ZNF141: variants seen among roughly 807,000 people sequenced by gnomAD.
ZNF141 encodes the protein zinc finger protein 141 (clone pHZ-44).
Under a neutral mutation model 11.3 loss-of-function variants are expected in ZNF141, and 7 were observed. The observed-to-expected ratio is 0.62, with a 90% CI of 0.35 to 1.16. The LOEUF (loss-of-function observed/expected upper bound fraction) is 1.16. ZNF141 is among the 50% of genes most tolerant of loss of function. The pLI is 0.02. For synonymous variants in ZNF141, 183 were observed against 190.7 expected, an observed-to-expected ratio of 0.96 and a Z score of 0.33; for missense variants, 535 against 554.0, an observed-to-expected ratio of 0.97 and a Z score of 0.34.
chr4:366,004 G>T (rs1431272971), intron 3 of ZNF141, among the ~76,000 whole-genome samples: 1 of 152,104 alleles, frequency 6.6e-6, no homozygotes, highest in Non-Finnish European at 1.5e-5. Flanking sequence ...CTGTTTTTAT[G>T]CCAGTATCAT....
chr4:379,952 C>T lies in ZNF141; in HGVS notation c.*6090C>T, dbSNP rs142057673. ...ACTGTGTTAGCATTTTCCAAAAATA[C>T]ATTATTGTTAACTGTAGTCACCATG... is the stretch of plus-strand genomic sequence containing the variant. On this transcript the variant is annotated 3_prime_UTR_variant, in exon 4 of 4. Transcript: ENST00000240499. Among the ~76,000 whole-genome samples, 396 of 152,286 alleles carry T rather than the reference C, an allele frequency of 2.6e-3. 1 individual carries two copies. The highest frequency in any genetic ancestry group is 9.4e-3 in the African/African-American group (389 of 41,556).
chr4:373,813 C>G lies in ZNF141; in HGVS notation c.1376C>G (p.Ala459Gly), dbSNP rs148870873. Residue 459 changes from alanine (A) to glycine (G), a missense_variant, in exon 4 of 4, where the codon GCC (alanine) becomes GGC (glycine). Physicochemically the swap from Ala to Gly is moderately conservative, Grantham distance 60 (BLOSUM62 0). Transcript: ENST00000240499. ...KPYKCKDCDK[A>G]FKRFSHLNKH... is the part of the protein sequence containing the mutation. ...TACAAATGTAAAGATTGTGACAAAGCCTTTAAACGGTTCTCACACCTGAAT... is the reference window on the plus strand; with the variant it reads ...TACAAATGTAAAGATTGTGACAAAGGCTTTAAACGGTTCTCACACCTGAAT... 25 of 1,612,980 alleles carry G rather than the reference C, an allele frequency of 1.5e-5. No homozygotes were observed. The highest frequency in any genetic ancestry group is 2.1e-5 in the Non-Finnish European group (25 of 1,179,314).
chr4:350,727 C>T (rs1462865501), intron 3 of ZNF141, among the ~76,000 whole-genome samples: 2 of 151,984 alleles, frequency 1.3e-5, no homozygotes, highest in African/African-American at 4.8e-5. Context: ...TGAGTTCTCC[C>T]GAGATCTTAT....
intron 1 of ZNF141, among the ~76,000 whole-genome samples, chr4:339,004 T>G (rs1411159341): frequency 1.3e-5 from 2 of 152,190 alleles, no homozygotes; most frequent in Admixed American, 1.3e-4. Context: ...GCTGAGAACT[T>G]GGAGGAAAGG....
At chr4:372,144 G>A (rs1295735298) in intron 3 of ZNF141, among the ~76,000 whole-genome samples, 2 of 152,294 alleles carry the variant, frequency 1.3e-5, no homozygotes, top group Non-Finnish European at 2.9e-5. Context: ...ATTTAGCACT[G>A]CAGTCTGCTC....
At chr4:358,826 G>A (rs1156947760) in intron 3 of ZNF141, among the ~76,000 whole-genome samples, 1 of 150,608 alleles carries the variant, frequency 6.6e-6, no homozygotes, top group Non-Finnish European at 1.5e-5. Flanking sequence ...CATCCGCCTC[G>A]GCCTCCCAAA....
At position 378,932 on chromosome 4, in the gene ZNF141, CCT is replaced by C. The variant is rs1712494397; in HGVS notation, c.*5074_*5075del. Among the ~76,000 whole-genome samples the C allele has an allele frequency of 6.8e-6, 1 of 148,100 alleles. No homozygotes were observed. Among genetic ancestry groups the C allele is most frequent in the Non-Finnish European group, 1.5e-5 (1 of 67,476 alleles). Reference sequence around the variant, plus strand: ...CAATCTCAGCTCATTGCAACCTCCACCTCTCGGGTTCAAGCAATTCTCCTGCC... The same window carrying C: ...CAATCTCAGCTCATTGCAACCTCCACCTCGGGTTCAAGCAATTCTCCTGCC... On this transcript the variant is annotated 3_prime_UTR_variant, in exon 4 of 4. Coordinates refer to ENST00000240499, the MANE Select transcript of ZNF141 (RefSeq NM_003441.4).
rs1712607179 is a variant in ZNF141, at chr4:381,387, GA to G, written c.*7526del. Among the ~76,000 whole-genome samples the G allele has an allele frequency of 7.1e-6, 1 of 140,392 alleles. No individual in the cohort carries two copies. Among genetic ancestry groups the G allele is most frequent in the Non-Finnish European group, 1.5e-5 (1 of 65,492 alleles). The allele number at this position is 140,392 out of a possible 152,430, so 92.1% of individuals were successfully genotyped here. A position where few individuals can be genotyped will look rare whatever the true frequency, so the allele number is the denominator to read the frequency against. Reference sequence around the variant, plus strand: ...AACCAAAAAGTTACTATTTAATACAGACTTCAAATGTGCTTTTTTTTTTTTT... The same window carrying G: ...AACCAAAAAGTTACTATTTAATACAGCTTCAAATGTGCTTTTTTTTTTTTT... On this transcript the variant is annotated 3_prime_UTR_variant, in exon 4 of 4. Coordinates refer to ENST00000240499, the MANE Select transcript of ZNF141 (RefSeq NM_003441.4).
chr4:365,743 A>G (rs917441906), intron 3 of ZNF141, among the ~76,000 whole-genome samples: 1 of 152,136 alleles, frequency 6.6e-6, no homozygotes, highest in Non-Finnish European at 1.5e-5. Flanking sequence ...GCATTCCTCT[A>G]TGTTTATCCA....
At chr4:366,667 CATATT>C (rs1711759294) in intron 3 of ZNF141, among the ~76,000 whole-genome samples, 1 of 145,474 alleles carries the variant, frequency 6.9e-6, no homozygotes, top group African/African-American at 2.4e-5. Flanking sequence ...TGCTGCTAGA[CATATT>C]TTATTTTATT....
chr4:351,410 T>C (rs1224020027), intron 3 of ZNF141, among the ~76,000 whole-genome samples: 1 of 151,882 alleles, frequency 6.6e-6, no homozygotes, highest in Non-Finnish European at 1.5e-5. Flanking sequence ...ATTTTTTTAA[T>C]TTTTAGTAGG....
rs782423048 is a variant in ZNF141, at chr4:375,816, C to A, written c.*1954C>A. On this transcript the variant is annotated 3_prime_UTR_variant, in exon 4 of 4. Coordinates refer to ENST00000240499, the MANE Select transcript of ZNF141 (RefSeq NM_003441.4). ...TGCTGCATCAGAGATAAGAGAGATTCTTTTTCATTAGGTGGGCATTATTTG... is the reference window on the plus strand; with the variant it reads ...TGCTGCATCAGAGATAAGAGAGATTATTTTTCATTAGGTGGGCATTATTTG... 6.6e-6 allele frequency among the ~76,000 whole-genome samples: 1 copy of A among 151,934 alleles called. No individual in the cohort carries two copies. Among genetic ancestry groups the A allele is most frequent in the Non-Finnish European group, 1.5e-5 (1 of 67,890 alleles).
rs1219551040 is a variant in ZNF141 at position 384,596 on chromosome 4, G to A, written c.*10734G>A. On this transcript the variant is annotated 3_prime_UTR_variant, in exon 4 of 4. Coordinates refer to ENST00000240499, the MANE Select transcript of ZNF141 (RefSeq NM_003441.4). The stretch of plus-strand genomic sequence containing the variant: ...ACATGACATAAATATTTTGGTTTTA[G>A]CTTCACTCTTTCCACCTGCTGTCGG... 1.3e-5 allele frequency: 2 copies of A among 152,188 alleles called. No homozygotes were observed. Among genetic ancestry groups the A allele is most frequent in the Non-Finnish European group, 2.9e-5 (2 of 68,064 alleles). 9.4% of individuals were successfully genotyped at this position (152,188 alleles called of 1,614,324 possible).
intron 3 of ZNF141, among the ~76,000 whole-genome samples, chr4:347,494 C>G (rs984302533): frequency 6.6e-6 from 1 of 151,856 alleles, no homozygotes; most frequent in Non-Finnish European, 1.5e-5. Context: ...CGCCTTCCAC[C>G]ACACCCAGCT....
chr4:347,395 A>G (rs181717427), intron 3 of ZNF141, among the ~76,000 whole-genome samples: 2 of 146,532 alleles, frequency 1.4e-5, no homozygotes, highest in East Asian at 4.0e-4. Flanking sequence ...GCTGGAGTAC[A>G]GTGGCAGGAT....
chr4:380,584 G>C lies in ZNF141; in HGVS notation c.*6722G>C, dbSNP rs781988815. ...GGAGAATCAGTTGAACCTGGGAGGT[G>C]GAGATTGCAGTGAGCCAAGATCATG... On this transcript the variant is annotated 3_prime_UTR_variant, in exon 4 of 4. Coordinates refer to ENST00000240499, the MANE Select transcript of ZNF141 (RefSeq NM_003441.4). 6.6e-6 allele frequency among the ~76,000 whole-genome samples: 1 copy of C among 151,962 alleles called. No homozygotes were observed. The highest frequency in any genetic ancestry group is 1.5e-5 in the Non-Finnish European group (1 of 68,010).
chr4:371,342 C>T (rs2108652314), intron 3 of ZNF141, among the ~76,000 whole-genome samples: 1 of 151,770 alleles, frequency 6.6e-6, no homozygotes, highest in Admixed American at 6.6e-5. Context: ...AGCAATTCTC[C>T]TGCCTCAGCC....
intron 3 of ZNF141, among the ~76,000 whole-genome samples, chr4:369,764 A>ATATTTTT: frequency 2.1e-5 from 1 of 48,720 alleles, no homozygotes; most frequent in African/African-American, 1.7e-4. Context: ...ATATATATAT[A>ATATTTTT]TTTTTTTTTT....
Position 337,843 on chromosome 4 carries a change from G to A in ZNF141, c.-141G>A. ...TTGCGTCTGGCTACTACCAGACCGC[G>A]GGTTAGGGGCTTCATCTCTCTGCGT... On this transcript the variant is annotated 5_prime_UTR_variant, in exon 1 of 4. Transcript: ENST00000240499. 4.4e-6 allele frequency: 5 copies of A among 1,137,920 alleles called. No homozygotes were observed. The highest frequency in any genetic ancestry group is 6.5e-6 in the Non-Finnish European group (5 of 770,008). The allele number at this position is 1,137,920 out of a possible 1,614,324, so 70.5% of individuals were successfully genotyped here. A position where few individuals can be genotyped will look rare whatever the true frequency, so the allele number is the denominator to read the frequency against.
Sources: allele counts gnomAD v4.1 joint callset (sites outside exome capture counted in the v4.1 genomes callset), GRCh38; gene constraint gnomAD v4.1.1; transcripts MANE v1.5; gene names NCBI Gene and HGNC (gene_info 2026-07-23, HGNC 2026-07-21).